The following NCOA2 variants were observed in gnomAD, a reference collection of about 807,000 sequenced individuals.
NCOA2 encodes class E basic helix-loop-helix protein 75.
In NCOA2, 21 loss-of-function variants were observed where a neutral mutation model predicts 145.1. The observed-to-expected ratio is 0.14, with a 90% CI of 0.10 to 0.21. NCOA2 has a LOEUF of 0.21. Ranked by LOEUF, NCOA2 falls within the 10% of genes least tolerant of loss-of-function variation. The pLI, the probability that NCOA2 is intolerant of heterozygous loss-of-function variation, is 1.00. For synonymous variants in NCOA2, 619 were observed against 637.5 expected, an observed-to-expected ratio of 0.97 and a Z score of 0.44; for missense variants, 1,472 against 1,837.6, an observed-to-expected ratio of 0.80 and a Z score of 3.64.
At chr8:70,152,155 GTTAGT>G (rs1255733313) in intron 11 of NCOA2, among the ~76,000 whole-genome samples, 3 of 152,180 alleles carry the variant, frequency 2.0e-5, no homozygotes, top group Admixed American at 2.0e-4. Flanking sequence ...AATTTGAGTT[GTTAGT>G]TTAAACTATT....
At chr8:70,253,558 G>A (rs779857442) in intron 2 of NCOA2, among the ~76,000 whole-genome samples, 11 of 150,082 alleles carry the variant, frequency 7.3e-5, no homozygotes, top group Non-Finnish European at 1.0e-4. Flanking sequence ...GTCAAATACC[G>A]CCCAGAAAAA....
the NCOA2 span, among the ~76,000 whole-genome samples, chr8:70,415,755 T>G: frequency 6.6e-6 from 1 of 152,218 alleles, no homozygotes; most frequent in Non-Finnish European, 1.5e-5. Context: ...TAAGTGTATT[T>G]TATCTACAAG....
At chr8:70,370,763 A>C (rs914527662) in intron 1 of NCOA2, among the ~76,000 whole-genome samples, 2 of 152,202 alleles carry the variant, frequency 1.3e-5, no homozygotes, top group Non-Finnish European at 2.9e-5. Flanking sequence ...AAGAGAAGGA[A>C]GGGAATATCC....
At chr8:70,440,380 C>A in the NCOA2 span, among the ~76,000 whole-genome samples, 1 of 152,202 alleles carries the variant, frequency 6.6e-6, no homozygotes, top group Admixed American at 6.5e-5. Flanking sequence ...TGAGACTAGC[C>A]TGGCCAAAAT....
intron 14 of NCOA2, among the ~76,000 whole-genome samples, chr8:70,140,593 GT>G (rs71558582): frequency 1.6e-3 from 130 of 79,790 alleles, no homozygotes; most frequent in African/African-American, 3.6e-3. Context: ...TACCACCTAA[GT>G]TTTTTTTTTT....
At chr8:70,235,950 G>A (rs985044149) in intron 2 of NCOA2, among the ~76,000 whole-genome samples, 2 of 151,952 alleles carry the variant, frequency 1.3e-5, no homozygotes, top group African/African-American at 4.8e-5. Flanking sequence ...TTATCCCTAC[G>A]GGTTTCCCAC....
At chr8:70,114,200 A>G (rs575247833) in intron 22 of NCOA2, among the ~76,000 whole-genome samples, 77 of 152,060 alleles carry the variant, frequency 5.1e-4, no homozygotes, top group African/African-American at 1.7e-3. Context: ...GGGGTTTTGT[A>G]TTTTTAGTAG....
chr8:70,208,661 G>A (rs1257693771), intron 4 of NCOA2, among the ~76,000 whole-genome samples: 1 of 152,150 alleles, frequency 6.6e-6, no homozygotes, highest in Non-Finnish European at 1.5e-5. Context: ...AAATTCTAGG[G>A]CTCTTCATAA....
the NCOA2 span, among the ~76,000 whole-genome samples, chr8:70,421,014 G>A: frequency 1.3e-5 from 2 of 152,118 alleles, no homozygotes; most frequent in Admixed American, 1.3e-4. Flanking sequence ...ATCTAAAGAG[G>A]TAAACTTTGA....
chr8:70,173,612 A>G (rs1275801947), intron 5 of NCOA2, among the ~76,000 whole-genome samples: 1 of 152,122 alleles, frequency 6.6e-6, no homozygotes, highest in African/African-American at 2.4e-5. Flanking sequence ...GGGAGGCTGA[A>G]TGTTTTCAAG....
At chr8:70,129,556 T>C (rs1439168431) in intron 16 of NCOA2, among the ~76,000 whole-genome samples, 1 of 152,238 alleles carries the variant, frequency 6.6e-6, no homozygotes, top group African/African-American at 2.4e-5. Context: ...TCCTCACCAA[T>C]GTGATGCGCT....
Position 70,128,762 on chromosome 8 carries a change from TAGGCCCGTGGGCCTG to T in NCOA2, c.3528_3542del (p.Arg1177_Leu1181del). On this transcript the variant is annotated inframe_deletion, in exon 17 of 23. Transcript: ENST00000452400. Reference sequence around the variant, plus strand: ...TTAGTTGATTTGGCTGGTTCTGCACTAGGCCCGTGGGCCTGAGGCCCGGTCTGGGCTGCATACGGA... The same window carrying T: ...TTAGTTGATTTGGCTGGTTCTGCACTAGGCCCGGTCTGGGCTGCATACGGA... The T allele has an allele frequency of 6.2e-7, 1 of 1,614,076 alleles. No individual in the cohort carries two copies.
At chr8:70,449,245 T>C in the NCOA2 span, among the ~76,000 whole-genome samples, 1 of 152,234 alleles carries the variant, frequency 6.6e-6, no homozygotes, top group Admixed American at 6.5e-5. Context: ...GAAAACAAGA[T>C]GAAATAGAAG....
chr8:70,264,501 A>G (rs1441941811), intron 2 of NCOA2, among the ~76,000 whole-genome samples: 2 of 152,118 alleles, frequency 1.3e-5, no homozygotes, highest in African/African-American at 4.8e-5. Flanking sequence ...TCTCTTAACA[A>G]CAACAACAAC....
chr8:70,314,552 T>C (rs577486170), intron 1 of NCOA2, among the ~76,000 whole-genome samples: 143 of 152,262 alleles, frequency 9.4e-4, no homozygotes, highest in African/African-American at 3.3e-3. Flanking sequence ...ACTCTGCAGA[T>C]TGTTAAACTA....
the NCOA2 span, among the ~76,000 whole-genome samples, chr8:70,441,797 AAAGAAAGAAAGAAAGAAAG>A: frequency 2.3e-3 from 330 of 140,654 alleles, 3 homozygotes; most frequent in Admixed American, 4.3e-3. Flanking sequence ...AGAAAGAAAG[AAAGAAAGAAAGAAAGAAAG>A]AAGAAAGAAG....
At chr8:70,247,697 C>T (rs142780993) in intron 2 of NCOA2, among the ~76,000 whole-genome samples, 21 of 152,292 alleles carry the variant, frequency 1.4e-4, no homozygotes, top group African/African-American at 4.3e-4. Context: ...ATAGAGAGAG[C>T]GTGAGGTCAC....
At chr8:70,400,575 G>A (rs73684294) in intron 1 of NCOA2, among the ~76,000 whole-genome samples, 8,952 of 152,206 alleles carry the variant, frequency 0.059, 864 homozygotes, top group African/African-American at 0.21. Flanking sequence ...GGGGGGTTTT[G>A]AATGTTGTCA....
intron 2 of NCOA2, among the ~76,000 whole-genome samples, chr8:70,262,421 A>G (rs1010818170): frequency 6.6e-6 from 1 of 152,244 alleles, no homozygotes; most frequent in Non-Finnish European, 1.5e-5. Context: ...TAAAACTTAC[A>G]CACCTTAAAG....
Sources: allele counts gnomAD v4.1 joint callset (sites outside exome capture counted in the v4.1 genomes callset), GRCh38; gene constraint gnomAD v4.1.1; transcripts MANE v1.5; gene names NCBI Gene and HGNC (gene_info 2026-07-23, HGNC 2026-07-21).